The following B4GALT5 variants were observed in gnomAD, a reference collection of about 807,000 sequenced individuals.
B4GALT5 encodes UDP-Gal:beta-GlcNAc beta-1,4-galactosyltransferase 5.
Under a neutral mutation model 45.0 loss-of-function variants are expected in B4GALT5, and 11 were observed. The ratio of observed to expected loss-of-function variants is 0.24; its 90% CI spans 0.15 to 0.40. The LOEUF (loss-of-function observed/expected upper bound fraction) is 0.40, where lower values mean the gene tolerates loss of function less well. Ranked by LOEUF, B4GALT5 falls within the 10% of genes least tolerant of loss-of-function variation. B4GALT5 has a pLI of 1.00. For synonymous variants in B4GALT5, 185 were observed against 182.9 expected (o/e 1.01, Z -0.09); for missense variants, 337 against 500.2 (o/e 0.67, Z 3.11).
At chr20:49,686,872 C>G (rs920759387) in intron 1 of B4GALT5, among the ~76,000 whole-genome samples, 5 of 151,732 alleles carry the variant, frequency 3.3e-5, no homozygotes, top group South Asian at 2.1e-4. Flanking sequence ...ATACTCCAGC[C>G]TGGGTGACAC....
At chr20:49,665,308 G>A (rs2085684944) in intron 1 of B4GALT5, among the ~76,000 whole-genome samples, 1 of 150,488 alleles carries the variant, frequency 6.6e-6, no homozygotes, top group Admixed American at 6.6e-5. Flanking sequence ...AAGCTACTTG[G>A]GAGGCCAAGG....
At chr20:49,677,933 G>T in intron 1 of B4GALT5, among the ~76,000 whole-genome samples, 1 of 152,170 alleles carries the variant, frequency 6.6e-6, no homozygotes, top group East Asian at 1.9e-4. Context: ...TTTTAGTAGA[G>T]ACAGGAGTTT....
intron 1 of B4GALT5, among the ~76,000 whole-genome samples, chr20:49,685,841 T>C (rs2085782997): frequency 6.6e-6 from 1 of 152,154 alleles, no homozygotes; most frequent in Non-Finnish European, 1.5e-5. Flanking sequence ...AAAAGTCTTG[T>C]TCTTTAACAG....
chr20:49,694,950 C>G (rs571229438), intron 1 of B4GALT5, among the ~76,000 whole-genome samples: 17 of 152,148 alleles, frequency 1.1e-4, no homozygotes, highest in African/African-American at 3.9e-4. Flanking sequence ...GAGAACCCTC[C>G]TTCTACCACT....
chr20:49,676,677 C>T (rs922430268), intron 1 of B4GALT5, among the ~76,000 whole-genome samples: 15 of 152,210 alleles, frequency 9.9e-5, no homozygotes, highest in African/African-American at 3.6e-4. Context: ...AGAGCAGATG[C>T]GTACAAACTC....
chr20:49,641,355 G>C (rs1414392012), intron 5 of B4GALT5, among the ~76,000 whole-genome samples: 2 of 152,168 alleles, frequency 1.3e-5, no homozygotes, highest in African/African-American at 4.8e-5. Context: ...ACCAAATCTA[G>C]TACAAAGAGT....
Position 49,695,019 on chromosome 20 carries a change from T to C in B4GALT5, c.115+18557A>G, listed in dbSNP as rs140653346. Reference sequence around the variant, plus strand: ...TCACTTCTATGAGCAAACCACAGATTTAGATTTTCAAAGTGCCATATTTAC... The same window carrying C: ...TCACTTCTATGAGCAAACCACAGATCTAGATTTTCAAAGTGCCATATTTAC... On this transcript the variant is annotated intron_variant, in intron 1 of 8. Coordinates refer to ENST00000371711, the MANE Select transcript of B4GALT5 (RefSeq NM_004776.4). Among the ~76,000 whole-genome samples, 120 of 152,260 alleles carry C rather than the reference T, an allele frequency of 7.9e-4. 2 individuals carry two copies. Among genetic ancestry groups the C allele is most frequent in the African/African-American group, 2.4e-3 (100 of 41,546 alleles).
chr20:49,643,587 T>C lies in B4GALT5; in HGVS notation c.428A>G (p.Lys143Arg), dbSNP rs1010228870. ...ACCTCCGAGCTTGATGGTTGGGTCTTTGGAGAAGAGTTCATGAATGTAATC... is the reference window on the plus strand; with the variant it reads ...ACCTCCGAGCTTGATGGTTGGGTCTCTGGAGAAGAGTTCATGAATGTAATC... The part of the protein sequence containing the change: ...GMDYIHELFS[K>R]DPTIKLGGHW... The change falls in exon 4 of 9, where the codon AAA (lysine) becomes AGA (arginine). Residue 143 changes from lysine (K) to arginine (R), a missense_variant. Physicochemically the swap from Lys to Arg is conservative, Grantham distance 26. This residue lies in a region of B4GALT5 where 174 missense variants were observed against 207.4 expected (regional missense o/e 0.84). Coordinates refer to ENST00000371711, the MANE Select transcript of B4GALT5 (RefSeq NM_004776.4). 1.6e-5 allele frequency: 26 copies of C among 1,613,894 alleles called. No individual in the cohort carries two copies. Among genetic ancestry groups the C allele is most frequent in the Non-Finnish European group, 2.2e-5 (26 of 1,179,982 alleles).
intron 1 of B4GALT5, among the ~76,000 whole-genome samples, chr20:49,693,555 G>A (rs1175384377): frequency 6.6e-6 from 1 of 152,108 alleles, no homozygotes; most frequent in Non-Finnish European, 1.5e-5. Context: ...GTTTCTAAAG[G>A]CCCTAAGGTA....
At chr20:49,637,463 A>C in intron 7 of B4GALT5, 21 bp from the exon 8 acceptor site, 1 of 1,584,064 alleles carries the variant, frequency 6.3e-7, no homozygotes, top group Non-Finnish European at 8.7e-7. Flanking sequence ...CCAAGAGAAC[A>C]GGCTTTTAGA....
intron 1 of B4GALT5, among the ~76,000 whole-genome samples, chr20:49,672,825 GA>G (rs138414088): frequency 5.3e-5 from 8 of 151,198 alleles, no homozygotes; most frequent in African/African-American, 1.7e-4. Flanking sequence ...AAACAAACCA[GA>G]AAAAAAACAA....
At chr20:49,656,083 C>T (rs2085641771) in intron 2 of B4GALT5, among the ~76,000 whole-genome samples, 1 of 152,136 alleles carries the variant, frequency 6.6e-6, no homozygotes, top group Admixed American at 6.5e-5. Context: ...GGGGCAGATC[C>T]CTCACAAATG....
At chr20:49,666,267 G>A (rs900149503) in intron 1 of B4GALT5, among the ~76,000 whole-genome samples, 8 of 152,024 alleles carry the variant, frequency 5.3e-5, no homozygotes, top group Admixed American at 1.3e-4. Context: ...GCAATGCAGA[G>A]GAACACCACA....
At chr20:49,708,626 T>C (rs1003431773) in intron 1 of B4GALT5, among the ~76,000 whole-genome samples, 5 of 152,130 alleles carry the variant, frequency 3.3e-5, no homozygotes, top group African/African-American at 4.8e-5. Flanking sequence ...GAAAAATTAG[T>C]TTAAATGTAG....
intron 1 of B4GALT5, among the ~76,000 whole-genome samples, chr20:49,695,922 T>C (rs1212448171): frequency 1.3e-5 from 2 of 152,210 alleles, no homozygotes; most frequent in Middle Eastern, 6.3e-3. Context: ...TGAGTTTTCA[T>C]TATGTCTAAT....
intron 1 of B4GALT5, among the ~76,000 whole-genome samples, chr20:49,666,965 T>A (rs2085693314): frequency 6.6e-6 from 1 of 152,216 alleles, no homozygotes; most frequent in Non-Finnish European, 1.5e-5. Flanking sequence ...TGCCAGCACC[T>A]TTCCAAATGC....
rs924875638 is a variant in B4GALT5 at position 49,635,084 on chromosome 20, T to C, written c.*1228A>G. ...TGGTTCTATGTATCAGTTACTAATG[T>C]TGACAAAGAATCTTTCCAGAAACCA... On this transcript the variant is annotated 3_prime_UTR_variant, in exon 9 of 9. Coordinates refer to ENST00000371711, the MANE Select transcript of B4GALT5 (RefSeq NM_004776.4). 1 of 152,188 alleles carries C rather than the reference T, an allele frequency of 6.6e-6. No homozygotes were observed. The highest frequency in any genetic ancestry group is 2.4e-5 in the African/African-American group (1 of 41,424). The allele number at this position is 152,188 out of a possible 1,614,324, so 9.4% of individuals were successfully genotyped here.
At chr20:49,692,201 G>T (rs778332278) in intron 1 of B4GALT5, among the ~76,000 whole-genome samples, 1 of 151,500 alleles carries the variant, frequency 6.6e-6, no homozygotes, top group South Asian at 2.1e-4. Context: ...AAAAACAATA[G>T]GTATGTTGAG....
intron 7 of B4GALT5, among the ~76,000 whole-genome samples, chr20:49,637,861 C>T (rs530662602): frequency 6.6e-6 from 1 of 151,862 alleles, no homozygotes; most frequent in African/African-American, 2.4e-5. Context: ...ATCACTTGAA[C>T]CCGGGAGGCA....
Sources: gnomAD v4.1 joint callset for allele counts (sites outside exome capture counted in the v4.1 genomes callset) on GRCh38, gnomAD v4.1.1 for gene constraint, gnomAD v4.1.1 regional missense constraint, MANE v1.5 for transcripts, NCBI Gene and HGNC (gene_info 2026-07-23, HGNC 2026-07-21) for gene names.